Variants in SDS observed in about 807,000 individuals in gnomAD.
The protein encoded by SDS is serine dehydratase.
A neutral mutation model predicts 29.3 loss-of-function variants in SDS; 19 were observed. That is an observed-to-expected ratio of 0.65 (90% CI 0.45 to 0.95). The LOEUF (loss-of-function observed/expected upper bound fraction) is 0.95, where lower values mean the gene tolerates loss of function less well. Ranked by LOEUF, SDS falls within the 40% of genes least tolerant of loss-of-function variation. The pLI is 0.00. For synonymous variants in SDS, 176 were observed against 189.0 expected (o/e 0.93, Z 0.56); for missense variants, 375 against 439.9 (o/e 0.85, Z 1.32).
chr12:113,398,895 G>A (rs1957666655), intron 3 of SDS, 49 bp from the exon 4 acceptor site: 2 of 1,557,126 alleles, frequency 1.3e-6, no homozygotes, highest in Admixed American at 1.9e-5. Context: ...GCATCTGGGA[G>A]CCCAGGCAGG....
At chr12:113,398,386 A>C in intron 5 of SDS, 129 bp downstream of exon 5, 2 of 645,188 alleles carry the variant, frequency 3.1e-6, no homozygotes, top group Non-Finnish European at 5.4e-6. Context: ...GTGCTTCTAC[A>C]TGGTGGTGTG....
At chr12:113,393,833 T>C in intron 7 of SDS, 59 bp downstream of exon 7, 4 of 1,608,390 alleles carry the variant, frequency 2.5e-6, no homozygotes, top group Non-Finnish European at 3.4e-6. Context: ...GCATACCAAG[T>C]GGACAGCCAC....
chr12:113,398,484 C>T (rs1472159525), intron 5 of SDS, 31 bp downstream of exon 5: 2 of 1,448,582 alleles, frequency 1.4e-6, no homozygotes, highest in Admixed American at 2.0e-5. Context: ...GTGGCTGCCA[C>T]CCCCACCAAG....
intron 7 of SDS, 119 bp from the exon 8 acceptor site, chr12:113,393,268 G>T: frequency 2.0e-6 from 2 of 988,864 alleles, no homozygotes; most frequent in Non-Finnish European, 3.1e-6. Flanking sequence ...CCTGGCTGCA[G>T]CCGCAGGTCC....
chr12:113,401,314 T>C (rs556865163), intron 1 of SDS, among the ~76,000 whole-genome samples: 2 of 152,242 alleles, frequency 1.3e-5, no homozygotes, highest in African/African-American at 2.4e-5. Flanking sequence ...AAAAGCTCTT[T>C]CATAATTATT....
At chr12:113,393,200 A>T in intron 7 of SDS, 51 bp from the exon 8 acceptor site, 1 of 1,527,772 alleles carries the variant, frequency 6.5e-7, no homozygotes, top group Non-Finnish European at 9.1e-7. Flanking sequence ...CCCAGGGTGC[A>T]CAGGAGCTGA....
intron 3 of SDS, 113 bp from the exon 4 acceptor site, chr12:113,398,959 G>A: frequency 6.6e-7 from 1 of 1,522,544 alleles, no homozygotes; most frequent in Non-Finnish European, 8.9e-7. Flanking sequence ...TCCCCACCCT[G>A]GGCGACTGCT....
rs1414284694 is a variant in SDS at position 113,399,656 on chromosome 12, G to A, written c.53C>T (p.Ala18Val). ...GCTGGTGCCGGCCATTTTGGACAGG[G>A]CCATGCTGTCACGGATGGGGGTCTT... ...HVKTPIRDSM[A>V]LSKMAGTSVY... The change falls in exon 2 of 8, where the codon GCC (alanine) becomes GTC (valine). Residue 18 changes from alanine (A) to valine (V), a missense_variant. Physicochemically the swap from Ala to Val is moderately conservative, Grantham distance 64 (BLOSUM62 0). Coordinates refer to ENST00000257549, the MANE Select transcript of SDS (RefSeq NM_006843.3). 5 of 1,599,526 alleles carry A rather than the reference G, an allele frequency of 3.1e-6. No individual in the cohort carries two copies. The highest frequency in any genetic ancestry group is 1.1e-5 in the South Asian group (1 of 88,010).
chr12:113,396,364 C>T (rs1019587642), intron 6 of SDS, among the ~76,000 whole-genome samples: 2 of 140,588 alleles, frequency 1.4e-5, no homozygotes, highest in Admixed American at 7.4e-5. Context: ...CCTTTCCTTT[C>T]TTTCTCTTTC....
intron 1 of SDS, among the ~76,000 whole-genome samples, chr12:113,403,269 G>T (rs1327408537): frequency 6.6e-6 from 1 of 152,140 alleles, no homozygotes; most frequent in African/African-American, 2.4e-5. Context: ...TGGGACTACA[G>T]GTGTGCACCA....
rs1957622846 is a variant in SDS at position 113,393,278 on chromosome 12, C to G, written c.779-129G>C. On this transcript the variant is annotated intron_variant, in intron 7 of 7. Coordinates refer to ENST00000257549, the MANE Select transcript of SDS (RefSeq NM_006843.3). Reference sequence around the variant, plus strand: ...TCAGCCCTGGCTGCAGCCGCAGGTCCTGAACCAAACGTCCCGTCATCGGCC... The same window carrying G: ...TCAGCCCTGGCTGCAGCCGCAGGTCGTGAACCAAACGTCCCGTCATCGGCC... The G allele has an allele frequency of 5.6e-6, 5 of 887,240 alleles. No individual in the cohort carries two copies. The Admixed American group carries it at 1.2e-4, about 22-fold the overall frequency. 55.0% of individuals were successfully genotyped at this position (887,240 alleles called of 1,614,324 possible).
intron 6 of SDS, chr12:113,396,865 C>T (rs1593297777): frequency 2.1e-6 from 1 of 477,028 alleles, no homozygotes; most frequent in East Asian, 3.5e-5. Flanking sequence ...TCTTGAACTC[C>T]TGGCCTCAAG....
intron 6 of SDS, among the ~76,000 whole-genome samples, chr12:113,394,884 G>A (rs1182571471): frequency 2.6e-5 from 4 of 152,154 alleles, no homozygotes; most frequent in Non-Finnish European, 5.9e-5. Context: ...CCTCCTCCAA[G>A]GAGTCCTCCT....
chr12:113,397,379 A>C lies in SDS; in HGVS notation c.439T>G (p.Ser147Ala). 3.7e-6 allele frequency: 6 copies of C among 1,608,820 alleles called. No individual in the cohort carries two copies. The highest frequency in any genetic ancestry group is 5.1e-6 in the Non-Finnish European group (6 of 1,176,012). Residue 147 changes from serine to alanine, a missense_variant, in exon 6 of 8, where the codon TCC becomes GCC. Ser to Ala is a moderately conservative substitution (Grantham distance 99). Transcript: ENST00000257549. ...DDPLIWEGHA[S>A]IVKELKETLW... is the part of the protein sequence containing the mutation. The stretch of plus-strand genomic sequence containing the variant: ...GTCTCCTTCAGCTCTTTCACGATGG[A>C]AGCGTGGCCTTCCCTGGAGGGTGGG...
chr12:113,399,439 C>T (rs569842372), intron 2 of SDS, 117 bp downstream of exon 2: 24 of 1,240,058 alleles, frequency 1.9e-5, no homozygotes, highest in South Asian at 9.5e-5. Context: ...TCAGTCCTTG[C>T]GGGGAGTCAG....
chr12:113,393,606 C>A (rs1372172465), intron 7 of SDS, among the ~76,000 whole-genome samples: 1 of 152,232 alleles, frequency 6.6e-6, no homozygotes, highest in Admixed American at 6.5e-5. Flanking sequence ...TTTACCCTGG[C>A]TGCCAGGAAA....
chr12:113,396,596 T>TCCTC (rs1390843602), intron 6 of SDS: 1 of 123,046 alleles, frequency 8.1e-6, no homozygotes, highest in Non-Finnish European at 1.7e-5. Flanking sequence ...CTTCCTTCCT[T>TCCTC]CCTTCCCTCC....
intron 1 of SDS, among the ~76,000 whole-genome samples, chr12:113,401,067 T>G (rs564286195): frequency 2.8e-4 from 42 of 152,104 alleles, no homozygotes; most frequent in African/African-American, 1.0e-3. Flanking sequence ...TGAGCCGAGA[T>G]CGCGCCACTG....
intron 1 of SDS, among the ~76,000 whole-genome samples, chr12:113,401,476 C>A (rs11609455): frequency 0.058 from 8,772 of 152,210 alleles, 358 homozygotes; most frequent in Middle Eastern, 0.12. Flanking sequence ...AAGCGTTCTG[C>A]CCACCTCAGC....
Sources: allele counts gnomAD v4.1 joint callset (sites outside exome capture counted in the v4.1 genomes callset), GRCh38; gene constraint gnomAD v4.1.1; transcripts MANE v1.5; gene names NCBI Gene and HGNC (gene_info 2026-07-23, HGNC 2026-07-21).